Variants in SIL1 observed in about 807,000 individuals in gnomAD.
The protein encoded by SIL1 is nucleotide exchange factor SIL1.
Under a neutral mutation model 49.1 loss-of-function variants are expected in SIL1, and 40 were observed. That is an observed-to-expected ratio of 0.81 (90% CI 0.63 to 1.06). The LOEUF is 1.06. Ranked by LOEUF, SIL1 falls within the 50% of genes least tolerant of loss-of-function variation. SIL1 has a pLI of 0.00. For synonymous variants in SIL1, 253 were observed against 250.8 expected, an observed-to-expected ratio of 1.01 and a Z score of -0.08; for missense variants, 500 against 572.6, an observed-to-expected ratio of 0.87 and a Z score of 1.29.
intron 1 of SIL1, among the ~76,000 whole-genome samples, chr5:139,197,250 A>C (rs1752292226): frequency 6.8e-6 from 1 of 147,076 alleles, no homozygotes; most frequent in Admixed American, 6.9e-5. Flanking sequence ...CCTGAGAAAC[A>C]AGAGCGAAAC....
At chr5:139,156,615 G>T (rs761103056) in intron 1 of SIL1, among the ~76,000 whole-genome samples, 1 of 152,214 alleles carries the variant, frequency 6.6e-6, no homozygotes, top group Non-Finnish European at 1.5e-5. Context: ...AGCTGAGGGA[G>T]ATTTGACAGA....
intron 3 of SIL1, among the ~76,000 whole-genome samples, chr5:139,084,157 G>A (rs558242884): frequency 7.2e-5 from 11 of 151,858 alleles, no homozygotes; most frequent in East Asian, 5.8e-4. Flanking sequence ...TTGACTTGGC[G>A]ATGCGGGAAC....
At chr5:139,057,450 G>A (rs1009623487) in intron 3 of SIL1, among the ~76,000 whole-genome samples, 4 of 152,026 alleles carry the variant, frequency 2.6e-5, no homozygotes, top group Admixed American at 6.5e-5. Flanking sequence ...CAGTTGACAG[G>A]AAATGAGGAG....
chr5:139,013,728 T>A (rs1471682629), intron 7 of SIL1: 2 of 152,018 alleles, frequency 1.3e-5, no homozygotes, highest in African/African-American at 4.8e-5. Context: ...ACTAAGAGAG[T>A]TTCTTGGGAA....
At chr5:139,147,756 C>G (rs1297242800) in intron 1 of SIL1, among the ~76,000 whole-genome samples, 1 of 152,234 alleles carries the variant, frequency 6.6e-6, no homozygotes, top group East Asian at 1.9e-4. Flanking sequence ...TTAAAAAGCA[C>G]TAATTAGCTG....
Position 138,951,263 on chromosome 5 carries a change from G to GC in SIL1, c.936dup (p.Leu313AlafsTer39), listed in dbSNP as rs587776544. On this transcript the variant is annotated frameshift_variant, in exon 9 of 10. Transcript: ENST00000394817. LOFTEE classifies it high-confidence loss of function. Reference sequence around the variant, plus strand: ...TGCACCAGGGTCCTCAGGACCTGCAGCCCCCCGAGCTTCAGGAACTGCCGC... The same window carrying GC: ...TGCACCAGGGTCCTCAGGACCTGCAGCCCCCCCGAGCTTCAGGAACTGCCGC... The GC allele has an allele frequency of 1.6e-5, 25 of 1,586,842 alleles. No homozygotes were observed. The East Asian group carries it at 4.8e-4, about 31-fold the overall frequency.
In SIL1 at chr5:139,127,730, G is replaced by C; in HGVS notation, c.105+9C>G. On this transcript the variant is annotated intron_variant, in intron 2 of 9. Coordinates refer to ENST00000394817, the MANE Select transcript of SIL1 (RefSeq NM_022464.5). ...AAGGGTCCCTCCCATTTACAATAAA[G>C]ATATTTACCAGGTTCTGATGACTGA... is the stretch of plus-strand genomic sequence containing the variant. The C allele has an allele frequency of 1.9e-6, 3 of 1,604,440 alleles. No individual in the cohort carries two copies. The highest frequency in any genetic ancestry group is 2.6e-6 in the Non-Finnish European group (3 of 1,175,974).
chr5:138,950,541 CGT>C (rs1766746528), intron 9 of SIL1, among the ~76,000 whole-genome samples: 1 of 152,146 alleles, frequency 6.6e-6, no homozygotes, highest in African/African-American at 2.4e-5. Context: ...TTCTGGGGAG[CGT>C]GTGGCCCGAG....
chr5:139,126,821 AATTGTC>A (rs1041283365), intron 2 of SIL1, among the ~76,000 whole-genome samples: 5 of 152,190 alleles, frequency 3.3e-5, no homozygotes, highest in Admixed American at 2.6e-4. Context: ...AATTCATCAC[AATTGTC>A]ATTTGCACTT....
At chr5:139,045,744 A>G (rs1473086855) in intron 4 of SIL1, among the ~76,000 whole-genome samples, 2 of 152,226 alleles carry the variant, frequency 1.3e-5, no homozygotes, top group Admixed American at 6.5e-5. Context: ...TTCAATAAAT[A>G]GTACCAACAA....
chr5:139,175,660 A>C (rs1043119800), intron 1 of SIL1, among the ~76,000 whole-genome samples: 2 of 152,162 alleles, frequency 1.3e-5, no homozygotes, highest in African/African-American at 4.8e-5. Context: ...CCAGACAAAC[A>C]CTACAAGAAA....
chr5:139,058,378 A>G (rs574748688), intron 3 of SIL1, among the ~76,000 whole-genome samples: 1 of 152,084 alleles, frequency 6.6e-6, no homozygotes, highest in African/African-American at 2.4e-5. Flanking sequence ...TCATGGGGGA[A>G]ATACTTTCAG....
intron 1 of SIL1, among the ~76,000 whole-genome samples, chr5:139,143,312 C>CATATATAT (rs1561878655): frequency 1.8e-5 from 1 of 56,712 alleles, no homozygotes; most frequent in African/African-American, 6.4e-5. Context: ...TATATACACA[C>CATATATAT]ACACACACAC....
At chr5:139,178,736 C>T (rs1474754016) in intron 1 of SIL1, among the ~76,000 whole-genome samples, 3 of 152,104 alleles carry the variant, frequency 2.0e-5, no homozygotes, top group Admixed American at 6.5e-5. Flanking sequence ...GTTCTTAACT[C>T]TTTCTTTCAA....
At chr5:139,176,170 C>G (rs1478787390) in intron 1 of SIL1, among the ~76,000 whole-genome samples, 2 of 152,256 alleles carry the variant, frequency 1.3e-5, no homozygotes, top group East Asian at 3.9e-4. Context: ...CTCTTTGCCA[C>G]TTCATAAGAA....
intron 2 of SIL1, among the ~76,000 whole-genome samples, chr5:139,122,342 C>T (rs1291871686): frequency 6.6e-6 from 1 of 152,132 alleles, no homozygotes; most frequent in Non-Finnish European, 1.5e-5. Context: ...CCTATAATCC[C>T]AGCACTTTGA....
chr5:139,002,377 T>C (rs746748245), intron 7 of SIL1, among the ~76,000 whole-genome samples: 1 of 152,200 alleles, frequency 6.6e-6, no homozygotes, highest in Non-Finnish European at 1.5e-5. Context: ...GTTTATTAAA[T>C]CTGGGTAGTG....
chr5:139,158,273 A>C (rs13156063), intron 1 of SIL1, among the ~76,000 whole-genome samples: 60,865 of 152,154 alleles, frequency 0.4, 13,314 homozygotes, highest in South Asian at 0.52. Context: ...GGGAAAGTTA[A>C]TAGTGTAAGC....
intron 7 of SIL1, among the ~76,000 whole-genome samples, chr5:138,988,489 A>T (rs1767688584): frequency 6.6e-6 from 1 of 152,224 alleles, no homozygotes; most frequent in African/African-American, 2.4e-5. Context: ...CTTCGTTTAA[A>T]CAATAAATTT....
Sources: allele counts gnomAD v4.1 joint callset (sites outside exome capture counted in the v4.1 genomes callset), GRCh38; gene constraint gnomAD v4.1.1; transcripts MANE v1.5; gene names NCBI Gene and HGNC (gene_info 2026-07-23, HGNC 2026-07-21).